ZNF595: variants seen among roughly 807,000 people sequenced by gnomAD.
ZNF595 encodes the protein zinc finger protein 595.
A neutral mutation model predicts 19.4 loss-of-function variants in ZNF595; 9 were observed. The ratio of observed to expected loss-of-function variants is 0.46; its 90% confidence interval spans 0.28 to 0.81. The LOEUF (loss-of-function observed/expected upper bound fraction) is 0.81. ZNF595 is among the 30% of genes least tolerant of loss of function. The probability of loss-of-function intolerance (pLI) is 0.11; values close to 1 mark genes in which losing one functional copy is unlikely to be tolerated. For missense variants in ZNF595, 729 were observed against 736.0 expected (o/e 0.99, Z 0.11); for synonymous variants, 255 against 255.9 (o/e 1.00, Z 0.03).
Position 86,126 on chromosome 4 carries a change from G to A in ZNF595, c.622G>A (p.Ala208Thr), listed in dbSNP as rs1308933450. Residue 208 changes from alanine to threonine, a missense_variant, in exon 4 of 4, where the codon GCC becomes ACC. This residue lies in a region of ZNF595 where 729 missense variants were observed against 675.3 expected (regional missense o/e 1.08). Coordinates refer to ENST00000610261, the MANE Select transcript of ZNF595 (RefSeq NM_182524.4). ...CTACAAATGTGAAAAATGTGGCAAA[G>A]CCTTTAATAGGTCCACATCACTTAG... is the stretch of plus-strand genomic sequence containing the variant. ...KPYKCEKCGK[A>T]FNRSTSLSKH... 13 of 1,613,654 alleles carry A rather than the reference G, an allele frequency of 8.1e-6. No individual in the cohort carries two copies. In the East Asian group the frequency reaches 2.5e-4, roughly 30 times the overall value.
intron 3 of ZNF595, among the ~76,000 whole-genome samples, chr4:85,473 C>G (rs782448291): frequency 6.6e-6 from 1 of 152,174 alleles, no homozygotes; most frequent in Non-Finnish European, 1.5e-5. Context: ...ATATAACAAA[C>G]TTTCCTTCCT....
At chr4:74,390 A>T (rs1713559637) in intron 3 of ZNF595, among the ~76,000 whole-genome samples, 1 of 152,148 alleles carries the variant, frequency 6.6e-6, no homozygotes, top group East Asian at 1.9e-4. Context: ...TGTCTGAATG[A>T]TGTGTTGTAT....
intron 3 of ZNF595, among the ~76,000 whole-genome samples, chr4:81,886 T>A (rs1439871294): frequency 6.6e-6 from 1 of 152,168 alleles, no homozygotes; most frequent in East Asian, 1.9e-4. Context: ...TGGAGTAATA[T>A]TTTAATATTT....
Position 83,552 on chromosome 4 carries a change from A to G in ZNF595, c.227-2179A>G, listed in dbSNP as rs543108398. On this transcript the variant is annotated intron_variant, in intron 3 of 3. Transcript: ENST00000610261. ...GAAGAATGGTGTGAACCCAGGAGGC[A>G]GAGCTTGCAGTGAGCCGAGATCACG... Among the ~76,000 whole-genome samples the G allele has an allele frequency of 1.4e-3, 211 of 147,076 alleles. 1 individual carries two copies. Among genetic ancestry groups the G allele is most frequent in the African/African-American group, 5.0e-3 (199 of 40,068 alleles).
rs1400339917 is a variant in ZNF595 at position 84,294 on chromosome 4, C to T, written c.227-1437C>T. On this transcript the variant is annotated intron_variant, in intron 3 of 3. Coordinates refer to ENST00000610261, the MANE Select transcript of ZNF595 (RefSeq NM_182524.4). ...CATTTGTATATGTTCATGTCTTTCC[C>T]AAAAAGTTACTTATTTTCATATGAT... Among the ~76,000 whole-genome samples the T allele has an allele frequency of 2.6e-5, 4 of 152,212 alleles. No individual in the cohort carries two copies. In the East Asian group the frequency reaches 7.7e-4, roughly 29 times the overall value.
At chr4:54,942 C>T (rs1472878505) in intron 1 of ZNF595, among the ~76,000 whole-genome samples, 1,020 of 137,930 alleles carry the variant, frequency 7.4e-3, no homozygotes, top group East Asian at 0.043. Flanking sequence ...AGTGCAGTGG[C>T]GTGATCTCGG....
At chr4:71,070 A>T (rs548166234) in intron 3 of ZNF595, among the ~76,000 whole-genome samples, 2 of 152,124 alleles carry the variant, frequency 1.3e-5, no homozygotes, top group South Asian at 4.1e-4. Flanking sequence ...TTCTTTGCTT[A>T]TGTTAATTCC....
Position 85,813 on chromosome 4 carries a change from C to T in ZNF595, c.309C>T (p.Tyr103=), listed in dbSNP as rs146070291. The part of the protein sequence containing the change: ...DSFHKLILKR[Y]EKCGHENLQL... The stretch of plus-strand genomic sequence containing the variant: ...TCCACAAACTTATACTGAAAAGATA[C>T]GAGAAATGTGGACATGAGAATTTAC... Residue 103 remains tyrosine, a synonymous_variant, in exon 4 of 4, where the codon TAC becomes TAT. Transcript: ENST00000610261. 4.4e-3 allele frequency: 7,075 copies of T among 1,613,664 alleles called. 91 individuals carry two copies. The Middle Eastern group carries it at 0.053, about 12-fold the overall frequency.
rs139265159 is a variant in ZNF595, at chr4:80,056, C to G, written c.227-5675C>G. ...TTTTTTCTTGAGACGAAGTTTCACTCTTGTTGCCCAGGCTGGAGTGCAATG... is the reference window on the plus strand; with the variant it reads ...TTTTTTCTTGAGACGAAGTTTCACTGTTGTTGCCCAGGCTGGAGTGCAATG... On this transcript the variant is annotated intron_variant, in intron 3 of 3. Transcript: ENST00000610261. 1.5e-4 allele frequency among the ~76,000 whole-genome samples: 23 copies of G among 152,178 alleles called. No homozygotes were observed. The East Asian group carries it at 4.3e-3, about 28-fold the overall frequency.
intron 3 of ZNF595, among the ~76,000 whole-genome samples, chr4:81,708 G>A (rs1553799954): frequency 6.6e-6 from 1 of 152,012 alleles, no homozygotes; most frequent in African/African-American, 2.4e-5. Context: ...CTGTTTTCTG[G>A]CCCTTTACAA....
intron 3 of ZNF595, among the ~76,000 whole-genome samples, chr4:79,033 T>G: frequency 6.6e-6 from 1 of 152,242 alleles, no homozygotes; most frequent in East Asian, 1.9e-4. Context: ...TAAGTACATT[T>G]ACTTTATTTT....
chr4:69,565 C>G (rs1177196378), intron 3 of ZNF595, among the ~76,000 whole-genome samples: 1 of 152,132 alleles, frequency 6.6e-6, no homozygotes, highest in Non-Finnish European at 1.5e-5. Context: ...TATAAACGTT[C>G]TTTGCACATT....
chr4:66,846 G>A (rs1300057571), intron 3 of ZNF595, among the ~76,000 whole-genome samples: 5 of 151,918 alleles, frequency 3.3e-5, no homozygotes, highest in Admixed American at 6.6e-5. Flanking sequence ...TTTGTTATCT[G>A]TTCTAAAAAC....
intron 3 of ZNF595, among the ~76,000 whole-genome samples, chr4:66,886 T>A (rs1581332936): frequency 2.6e-5 from 4 of 151,754 alleles, no homozygotes; most frequent in African/African-American, 9.7e-5. Context: ...ACTTTGTTCT[T>A]GTTTTCTAAG....
In ZNF595 at chr4:86,047, G is replaced by A. The variant is rs781890561; in HGVS notation, c.543G>A (p.Ser181=). 26 of 1,611,490 alleles carry A rather than the reference G, an allele frequency of 1.6e-5. No individual in the cohort carries two copies. Among genetic ancestry groups the A allele is most frequent in the South Asian group, 6.6e-5 (6 of 90,898 alleles). Residue 181 remains serine, a synonymous_variant, in exon 4 of 4, where the codon TCG becomes TCA. Coordinates refer to ENST00000610261, the MANE Select transcript of ZNF595 (RefSeq NM_182524.4). ...KPFKCTECGR[S]FYMSHLTQHT... ...TTAAATGTACAGAATGTGGCAGATC[G>A]TTTTACATGTCACACCTAACTCAAC...
At chr4:70,353 T>C (rs1241685080) in intron 3 of ZNF595, among the ~76,000 whole-genome samples, 2 of 152,004 alleles carry the variant, frequency 1.3e-5, no homozygotes, top group African/African-American at 4.8e-5. Context: ...TTTTTTTTTT[T>C]TGAAGACAGA....
chr4:84,293 C>A (rs1553800665), intron 3 of ZNF595, among the ~76,000 whole-genome samples: 1 of 151,990 alleles, frequency 6.6e-6, no homozygotes, highest in Non-Finnish European at 1.5e-5. Context: ...CATGTCTTTC[C>A]CAAAAAGTTA....
intron 3 of ZNF595, among the ~76,000 whole-genome samples, chr4:72,877 G>A (rs1423020309): frequency 6.6e-6 from 1 of 152,170 alleles, no homozygotes; most frequent in Non-Finnish European, 1.5e-5. Flanking sequence ...CACTGTCAAA[G>A]GATGTAATCA....
chr4:55,622 A>G (rs1712604905), intron 1 of ZNF595, among the ~76,000 whole-genome samples: 1 of 152,284 alleles, frequency 6.6e-6, no homozygotes, highest in Non-Finnish European at 1.5e-5. Context: ...TCTGTAGGGG[A>G]CTAGGAGGCT....
Sources: gnomAD v4.1 joint callset for allele counts (sites outside exome capture counted in the v4.1 genomes callset) on GRCh38, gnomAD v4.1.1 for gene constraint, gnomAD v4.1.1 regional missense constraint, MANE v1.5 for transcripts, NCBI Gene and HGNC (gene_info 2026-07-23, HGNC 2026-07-21) for gene names.